Variants in DCAF6 observed in about 807,000 individuals in gnomAD.
The protein encoded by DCAF6 is DDB1- and CUL4-associated factor 6.
DCAF6 carries 54 observed loss-of-function variants against 125.1 expected under a neutral mutation model. The observed-to-expected ratio is 0.43, with a 90% CI of 0.35 to 0.54. DCAF6 has a LOEUF of 0.54. DCAF6 is among the 20% of genes least tolerant of loss of function. The pLI is 0.01. For missense variants in DCAF6, 934 were observed against 1,161.7 expected (o/e 0.80, Z 2.85); for synonymous variants, 371 against 390.4 (o/e 0.95, Z 0.58).
intron 11 of DCAF6, among the ~76,000 whole-genome samples, chr1:168,022,771 A>G (rs747526756): frequency 2.0e-5 from 3 of 152,228 alleles, no homozygotes; most frequent in Non-Finnish European, 4.4e-5. Flanking sequence ...ATAGAAGAAT[A>G]GTTTCTCAAC....
chr1:168,065,559 G>T, intron 18 of DCAF6, 31 bp from the exon 19 acceptor site: 2 of 1,445,074 alleles, frequency 1.4e-6, no homozygotes, highest in East Asian at 2.5e-5. Flanking sequence ...ACTTTGATTT[G>T]AATTTTTAAA....
chr1:167,895,633 TGAATTCAGGACAAAAATCTGTCCTA>T, the DCAF6 span, among the ~76,000 whole-genome samples: 10 of 152,210 alleles, frequency 6.6e-5, no homozygotes, highest in African/African-American at 2.4e-4. Context: ...TTGTTTTTTA[TGAATTCAGGACAAAAATCTGTCCTA>T]GAATTCAGGA....
At chr1:167,960,127 C>T (rs1675346175) in intron 2 of DCAF6, among the ~76,000 whole-genome samples, 1 of 151,862 alleles carries the variant, frequency 6.6e-6, no homozygotes, top group Non-Finnish European at 1.5e-5. Flanking sequence ...GTTGAAAAGA[C>T]TATCTGCATT....
At chr1:167,940,522 A>C (rs1195740326) in intron 1 of DCAF6, among the ~76,000 whole-genome samples, 2 of 151,040 alleles carry the variant, frequency 1.3e-5, no homozygotes, top group Admixed American at 6.6e-5. Context: ...TTTTTTTTTA[A>C]AGAATAATTA....
chr1:167,884,256 C>T, the DCAF6 span, among the ~76,000 whole-genome samples: 1 of 152,132 alleles, frequency 6.6e-6, no homozygotes, highest in Non-Finnish European at 1.5e-5. Context: ...GGAAGCATGG[C>T]TGGGGAGGAC....
chr1:167,909,080 T>C, the DCAF6 span, among the ~76,000 whole-genome samples: 3 of 152,200 alleles, frequency 2.0e-5, no homozygotes, highest in African/African-American at 7.2e-5. Context: ...CCCTTCTCTT[T>C]TCCCTGAAGG....
At chr1:168,044,858 C>G (rs923602586) in intron 15 of DCAF6, 42 bp from the exon 16 acceptor site, 2 of 1,586,452 alleles carry the variant, frequency 1.3e-6, no homozygotes, top group Admixed American at 1.7e-5. Context: ...ATTAGTATTG[C>G]CCACATTACC....
At chr1:168,044,089 G>A (rs763084772) in intron 14 of DCAF6, among the ~76,000 whole-genome samples, 55 of 152,096 alleles carry the variant, frequency 3.6e-4, no homozygotes, top group Non-Finnish European at 1.0e-4. Context: ...GGGCCCATCC[G>A]TCCATGATAG....
chr1:167,903,362 G>A, the DCAF6 span, among the ~76,000 whole-genome samples: 9 of 152,080 alleles, frequency 5.9e-5, no homozygotes, highest in African/African-American at 2.2e-4. Flanking sequence ...TCAGGAGTTT[G>A]AGACCAGCCT....
At chr1:168,047,135 G>T (rs1044162433) in intron 16 of DCAF6, among the ~76,000 whole-genome samples, 1 of 152,066 alleles carries the variant, frequency 6.6e-6, no homozygotes, top group African/African-American at 2.4e-5. Context: ...GAGAAAGGAG[G>T]ATTTGAGGGA....
the DCAF6 span, chr1:167,903,921 C>G: frequency 6.2e-7 from 1 of 1,613,592 alleles, no homozygotes; most frequent in South Asian, 1.1e-5. Context: ...AGTTGAGGAT[C>G]TCCACCAACT....
At chr1:167,947,356 A>G (rs1673232038) in intron 1 of DCAF6, among the ~76,000 whole-genome samples, 1 of 146,116 alleles carries the variant, frequency 6.8e-6, no homozygotes, top group Non-Finnish European at 1.5e-5. Flanking sequence ...TTTTTTTTTC[A>G]GTCCATATTT....
At chr1:167,994,227 A>G (rs1202851015) in intron 7 of DCAF6, among the ~76,000 whole-genome samples, 1 of 152,130 alleles carries the variant, frequency 6.6e-6, no homozygotes, top group East Asian at 1.9e-4. Flanking sequence ...AAATATTTTA[A>G]ATTATTTTTA....
chr1:168,023,143 T>C (rs1348765255), intron 12 of DCAF6, 96 bp downstream of exon 12: 1 of 1,262,170 alleles, frequency 7.9e-7, no homozygotes, highest in Non-Finnish European at 1.1e-6. Flanking sequence ...CATTTCATTT[T>C]GATTATGGTC....
chr1:168,023,261 C>T, intron 12 of DCAF6: 1 of 567,138 alleles, frequency 1.8e-6, no homozygotes, highest in Non-Finnish European at 3.1e-6. Flanking sequence ...CTCACTTTGG[C>T]CCTTGATGCC....
At chr1:167,895,171 A>C in the DCAF6 span, among the ~76,000 whole-genome samples, 1 of 142,356 alleles carries the variant, frequency 7.0e-6, no homozygotes, top group African/African-American at 2.7e-5. Context: ...GCAGAGTGAG[A>C]CTCCATCTCA....
At chr1:167,959,988 T>C (rs1675324060) in intron 2 of DCAF6, among the ~76,000 whole-genome samples, 1 of 152,140 alleles carries the variant, frequency 6.6e-6, no homozygotes, top group Admixed American at 6.5e-5. Flanking sequence ...GTTTATAGTT[T>C]TGTGTTTATA....
the DCAF6 span, among the ~76,000 whole-genome samples, chr1:167,877,193 G>A: frequency 4.0e-5 from 6 of 150,540 alleles, no homozygotes; most frequent in African/African-American, 1.5e-4. Context: ...TAACATCTCT[G>A]AGCCTCAGTT....
the DCAF6 span, chr1:167,902,157 G>T: frequency 1.8e-6 from 2 of 1,142,840 alleles, no homozygotes; most frequent in Non-Finnish European, 2.6e-6. Flanking sequence ...AAAGAACAGT[G>T]ATTCAGAGAA....
Sources: gnomAD v4.1 joint callset for allele counts (sites outside exome capture counted in the v4.1 genomes callset) on GRCh38, gnomAD v4.1.1 for gene constraint, MANE v1.5 for transcripts, NCBI Gene and HGNC (gene_info 2026-07-23, HGNC 2026-07-21) for gene names.